The following NRXN1 variants were observed in gnomAD, a reference collection of about 807,000 sequenced individuals.
The protein encoded by NRXN1 is neurexin 1.
Under a neutral mutation model 150.9 loss-of-function variants are expected in NRXN1, and 39 were observed. The observed-to-expected ratio is 0.26, with a 90% CI of 0.20 to 0.34. The LOEUF (loss-of-function observed/expected upper bound fraction) is 0.34. NRXN1 is among the 10% of genes least tolerant of loss of function. NRXN1 has a pLI of 1.00. For missense variants in NRXN1, 1,815 were observed against 1,949.9 expected (o/e 0.93, Z 1.30); for synonymous variants, 924 against 757.0 (o/e 1.22, Z -3.62).
At chr2:50,289,098 G>T (rs1280697903) in intron 17 of NRXN1, among the ~76,000 whole-genome samples, 1 of 152,124 alleles carries the variant, frequency 6.6e-6, no homozygotes, top group Non-Finnish European at 1.5e-5. Flanking sequence ...AATAGAACTG[G>T]ATGGGAAGTT....
At chr2:50,070,648 T>C (rs1171557841) in intron 19 of NRXN1, among the ~76,000 whole-genome samples, 1 of 150,874 alleles carries the variant, frequency 6.6e-6, no homozygotes. Context: ...CGGGCGCCTG[T>C]AGTCCCAGCT....
At chr2:50,432,429 A>G (rs753669449) in intron 17 of NRXN1, 7 of 152,148 alleles carry the variant, frequency 4.6e-5, no homozygotes, top group Non-Finnish European at 7.3e-5. Flanking sequence ...ATGCTTCTCA[A>G]TTTGTGATCT....
intron 18 of NRXN1, among the ~76,000 whole-genome samples, chr2:50,164,923 G>T (rs1039304740): frequency 2.0e-5 from 3 of 152,152 alleles, no homozygotes; most frequent in Non-Finnish European, 2.9e-5. Context: ...GTGAAGCAAA[G>T]AACTTTTAAC....
In NRXN1 at chr2:51,011,560, A is replaced by G. The variant is rs550525004; in HGVS notation, c.772+15942T>C. ...AATGATGGGTGAAATTTCACTCAGTAGAGATTCAATGGAAGGCACTAGGTC... is the reference window on the plus strand; with the variant it reads ...AATGATGGGTGAAATTTCACTCAGTGGAGATTCAATGGAAGGCACTAGGTC... On this transcript the variant is annotated intron_variant, in intron 2 of 22. Transcript: ENST00000401669. 6.6e-5 allele frequency among the ~76,000 whole-genome samples: 10 copies of G among 152,138 alleles called. 1 individual carries two copies. The East Asian group carries it at 1.8e-3, about 27-fold the overall frequency.
intron 17 of NRXN1, among the ~76,000 whole-genome samples, chr2:50,418,726 A>G (rs2083743514): frequency 6.6e-6 from 1 of 152,056 alleles, no homozygotes; most frequent in Admixed American, 6.6e-5. Flanking sequence ...ACCATTATCA[A>G]TGTTTATGCT....
chr2:50,896,791 G>A (rs563116549), intron 5 of NRXN1, among the ~76,000 whole-genome samples: 1 of 151,750 alleles, frequency 6.6e-6, no homozygotes, highest in Non-Finnish European at 1.5e-5. Flanking sequence ...AGGTTGCAGT[G>A]AGCCAGGATT....
At chr2:49,988,987 A>C (rs373021064) in intron 21 of NRXN1, among the ~76,000 whole-genome samples, 5 of 152,196 alleles carry the variant, frequency 3.3e-5, no homozygotes, top group African/African-American at 1.2e-4. Flanking sequence ...TGGGAATCTG[A>C]AGCATTGCCC....
rs1680864850 is a variant in NRXN1, at chr2:50,890,338, C to T, written c.832+31531G>A. ...AAACTTAGAGAAGACATTAACACTG[C>T]CCTTTAAAAATCAACCACTCAGTAA... On this transcript the variant is annotated intron_variant, in intron 5 of 22. Transcript: ENST00000401669. Among the ~76,000 whole-genome samples, 4 of 151,778 alleles carry T rather than the reference C, an allele frequency of 2.6e-5. No homozygotes were observed. In the South Asian group the frequency reaches 8.3e-4, roughly 31 times the overall value.
At chr2:49,963,319 T>G (rs888902451) in intron 21 of NRXN1, among the ~76,000 whole-genome samples, 2 of 152,132 alleles carry the variant, frequency 1.3e-5, no homozygotes, top group Non-Finnish European at 2.9e-5. Flanking sequence ...GTGACAGGAA[T>G]GGGGCAGAAA....
intron 19 of NRXN1, among the ~76,000 whole-genome samples, chr2:50,069,849 T>TTTTTG (rs2152664616): frequency 1.8e-5 from 1 of 55,276 alleles, no homozygotes; most frequent in South Asian, 5.3e-4. Context: ...TTTTGGGGGT[T>TTTTTG]TTTTTTTTTT....
chr2:50,885,890 T>G (rs912787357), intron 5 of NRXN1, among the ~76,000 whole-genome samples: 1 of 149,898 alleles, frequency 6.7e-6, no homozygotes, highest in African/African-American at 2.4e-5. Context: ...AGATTTGAGT[T>G]AGAAGTACAT....
chr2:50,518,708 C>A (rs1346601752), intron 12 of NRXN1, among the ~76,000 whole-genome samples: 1 of 151,586 alleles, frequency 6.6e-6, no homozygotes, highest in Non-Finnish European at 1.5e-5. Flanking sequence ...ATAGTTATAG[C>A]ATTTTTTTAA....
rs757935095 is a variant in NRXN1 at position 50,506,358 on chromosome 2, T to C, written c.2497+137A>G. The C allele has an allele frequency of 4.5e-4, 308 of 683,222 alleles. 1 individual carries two copies. The highest frequency in any genetic ancestry group is 5.7e-4 in the Non-Finnish European group (256 of 449,764). The allele number at this position is 683,222 out of a possible 1,614,324, so 42.3% of individuals were successfully genotyped here. A position where few individuals can be genotyped will look rare whatever the true frequency, so the allele number is the denominator to read the frequency against. On this transcript the variant is annotated intron_variant, in intron 13 of 22. Transcript: ENST00000401669. ...ACTGCTTATTTAATAAAATAGTTAC[T>C]AGAAAAAAATAGAATAAAAATGGAT...
chr2:50,996,679 T>C (rs970878015), intron 2 of NRXN1, among the ~76,000 whole-genome samples: 24 of 151,968 alleles, frequency 1.6e-4, no homozygotes, highest in African/African-American at 5.3e-4. Flanking sequence ...ACCTCCATAT[T>C]ACATAAATGG....
chr2:50,697,285 C>G (rs1693046649), intron 5 of NRXN1, among the ~76,000 whole-genome samples: 1 of 152,152 alleles, frequency 6.6e-6, no homozygotes, highest in African/African-American at 2.4e-5. Flanking sequence ...CTCATTGTCA[C>G]AAGCTGATAA....
intron 17 of NRXN1, among the ~76,000 whole-genome samples, chr2:50,256,077 C>A (rs996590223): frequency 2.0e-5 from 3 of 152,156 alleles, no homozygotes; most frequent in African/African-American, 7.2e-5. Flanking sequence ...AAACAGCAGG[C>A]AGTATAAAAC....
chr2:50,790,337 A>G (rs192309637), intron 5 of NRXN1, among the ~76,000 whole-genome samples: 2 of 152,334 alleles, frequency 1.3e-5, no homozygotes, highest in Admixed American at 6.5e-5. Flanking sequence ...TTAGAGATAG[A>G]TGACCATCTC....
chr2:50,577,134 T>C (rs1454033520), intron 8 of NRXN1, among the ~76,000 whole-genome samples: 1 of 152,118 alleles, frequency 6.6e-6, no homozygotes, highest in Non-Finnish European at 1.5e-5. Context: ...AGATGATTCT[T>C]GGTGAGACGC....
intron 5 of NRXN1, among the ~76,000 whole-genome samples, chr2:50,896,473 T>G (rs767285924): frequency 6.6e-6 from 1 of 152,122 alleles, no homozygotes; most frequent in Admixed American, 6.5e-5. Flanking sequence ...GTGTGTGCTA[T>G]GGTTTTCTAA....
Sources: gnomAD v4.1 joint callset for allele counts (sites outside exome capture counted in the v4.1 genomes callset) on GRCh38, gnomAD v4.1.1 for gene constraint, MANE v1.5 for transcripts, NCBI Gene and HGNC (gene_info 2026-07-23, HGNC 2026-07-21) for gene names.